The following ANKS1B variants were observed in gnomAD, a reference collection of about 807,000 sequenced individuals.
ANKS1B encodes the protein ankyrin repeat and sterile alpha motif domain containing 1B.
In ANKS1B, 36 loss-of-function variants were observed where a neutral mutation model predicts 148.3. The observed-to-expected ratio is 0.24, with a 90% CI of 0.19 to 0.32. The LOEUF (loss-of-function observed/expected upper bound fraction) is 0.32. Ranked by LOEUF, ANKS1B falls within the 10% of genes least tolerant of loss-of-function variation. ANKS1B has a pLI of 1.00. For synonymous variants in ANKS1B, 542 were observed against 560.8 expected (o/e 0.97, Z 0.47); for missense variants, 1,157 against 1,542.6 (o/e 0.75, Z 4.19).
intron 12 of ANKS1B, among the ~76,000 whole-genome samples, chr12:99,391,366 C>T (rs1374245009): frequency 1.3e-5 from 2 of 152,202 alleles, no homozygotes; most frequent in Non-Finnish European, 1.5e-5. Context: ...GCAGCTTCAA[C>T]TGCTGTCATT....
At chr12:98,902,829 T>G (rs1041705673) in intron 17 of ANKS1B, among the ~76,000 whole-genome samples, 1 of 152,200 alleles carries the variant, frequency 6.6e-6, no homozygotes, top group African/African-American at 2.4e-5. Context: ...TACAAATTCA[T>G]AAGCATTCAG....
chr12:99,247,755 C>T lies in ANKS1B; in HGVS notation c.1757-891G>A, dbSNP rs543141565. On this transcript the variant is annotated intron_variant, in intron 12 of 26. Coordinates refer to ENST00000683438, the MANE Select transcript of ANKS1B (RefSeq NM_001352186.2). ...AAGACATACTGTGTAAAAACCTGGCCAAAGAATTTAGCAAAGAAAGGAAGT... is the reference window on the plus strand; with the variant it reads ...AAGACATACTGTGTAAAAACCTGGCTAAAGAATTTAGCAAAGAAAGGAAGT... Among the ~76,000 whole-genome samples, 192 of 152,098 alleles carry T rather than the reference C, an allele frequency of 1.3e-3. 1 individual carries two copies. Among genetic ancestry groups the T allele is most frequent in the African/African-American group, 4.3e-3 (178 of 41,486 alleles).
intron 17 of ANKS1B, among the ~76,000 whole-genome samples, chr12:98,989,077 G>T (rs575333771): frequency 3.9e-5 from 6 of 152,202 alleles, no homozygotes; most frequent in African/African-American, 1.4e-4. Flanking sequence ...TCACTCTGTT[G>T]ATTTTTTCCT....
chr12:99,920,473 G>A (rs1344114851), intron 1 of ANKS1B, among the ~76,000 whole-genome samples: 1 of 151,390 alleles, frequency 6.6e-6, no homozygotes, highest in Non-Finnish European at 1.5e-5. Context: ...ATTAGTCAAG[G>A]TTCTCCAGAG....
chr12:99,962,520 C>T (rs1479615878), intron 1 of ANKS1B, among the ~76,000 whole-genome samples: 1 of 152,138 alleles, frequency 6.6e-6, no homozygotes, highest in East Asian at 1.9e-4. Context: ...CATACGTGTG[C>T]ATGTACCTTT....
rs2097860191 is a variant in ANKS1B, at chr12:98,745,449, G to A, written c.*290C>T. The A allele has an allele frequency of 1.9e-6, 2 of 1,060,184 alleles. No homozygotes were observed. Among genetic ancestry groups the A allele is most frequent in the South Asian group, 4.1e-5 (1 of 24,622 alleles). 65.7% of individuals were successfully genotyped at this position (1,060,184 alleles called of 1,614,324 possible). A position where few individuals can be genotyped will look rare whatever the true frequency, so the allele number is the denominator to read the frequency against. On this transcript the variant is annotated 3_prime_UTR_variant, in exon 27 of 27. Transcript: ENST00000683438. ...AATGAAGCAAAGCAAGTACTGGGGC[G>A]GAGTCATCAGAAATACCTTGGGAGG...
At chr12:99,838,722 T>A (rs1176158048) in intron 1 of ANKS1B, among the ~76,000 whole-genome samples, 1 of 152,144 alleles carries the variant, frequency 6.6e-6, no homozygotes, top group Non-Finnish European at 1.5e-5. Context: ...ATAACAATAT[T>A]CTCTAGTATT....
intron 11 of ANKS1B, among the ~76,000 whole-genome samples, chr12:99,402,094 C>T (rs2094420344): frequency 6.8e-6 from 1 of 146,204 alleles, no homozygotes; most frequent in African/African-American, 2.6e-5. Flanking sequence ...TGTTTCACAC[C>T]TCAATTTTGT....
At chr12:99,388,401 A>G (rs2093952866) in intron 12 of ANKS1B, among the ~76,000 whole-genome samples, 2 of 152,196 alleles carry the variant, frequency 1.3e-5, no homozygotes, top group Non-Finnish European at 1.5e-5. Flanking sequence ...ATGTGGGGCA[A>G]AGGTGACAGT....
intron 1 of ANKS1B, among the ~76,000 whole-genome samples, chr12:99,859,503 G>GT (rs2089704499): frequency 1.3e-5 from 2 of 152,082 alleles, no homozygotes; most frequent in Middle Eastern, 3.4e-3. Flanking sequence ...TTTGACTGGT[G>GT]TTTTCTAGTG....
intron 8 of ANKS1B, among the ~76,000 whole-genome samples, chr12:99,679,249 G>A (rs2098599823): frequency 6.6e-6 from 1 of 152,170 alleles, no homozygotes; most frequent in African/African-American, 2.4e-5. Flanking sequence ...GAGCTCACTT[G>A]TTAAATAATT....
chr12:99,020,772 A>G (rs2099945335), intron 17 of ANKS1B, among the ~76,000 whole-genome samples: 1 of 152,140 alleles, frequency 6.6e-6, no homozygotes. Context: ...ATGTAGAAAG[A>G]TTTGTTCTTG....
intron 17 of ANKS1B, among the ~76,000 whole-genome samples, chr12:98,944,208 G>T (rs770563885): frequency 5.4e-5 from 8 of 147,026 alleles, no homozygotes; most frequent in Non-Finnish European, 1.2e-4. Context: ...GCTGAGGCAG[G>T]AGAATCGCTT....
chr12:98,816,454 C>T (rs2099141343), intron 19 of ANKS1B, among the ~76,000 whole-genome samples: 1 of 152,160 alleles, frequency 6.6e-6, no homozygotes, highest in Non-Finnish European at 1.5e-5. Flanking sequence ...CACCACTACA[C>T]CTGGCTAATT....
intron 8 of ANKS1B, among the ~76,000 whole-genome samples, chr12:99,704,645 T>C (rs2055426838): frequency 6.6e-6 from 1 of 152,096 alleles, no homozygotes; most frequent in Non-Finnish European, 1.5e-5. Context: ...ATATTTCAGT[T>C]ATGCTCCCTT....
intron 17 of ANKS1B, among the ~76,000 whole-genome samples, chr12:99,039,639 G>A (rs2099957686): frequency 6.6e-6 from 1 of 152,190 alleles, no homozygotes. Context: ...GCCCACCCAA[G>A]CCTGCCTTCC....
At chr12:99,063,738 C>A (rs888993581) in intron 16 of ANKS1B, among the ~76,000 whole-genome samples, 13 of 152,284 alleles carry the variant, frequency 8.5e-5, no homozygotes, top group African/African-American at 3.1e-4. Context: ...GGAAGACACC[C>A]TTTAAGGAGT....
chr12:99,267,893 C>T (rs1207581475), intron 12 of ANKS1B, among the ~76,000 whole-genome samples: 1 of 152,098 alleles, frequency 6.6e-6, no homozygotes, highest in Non-Finnish European at 1.5e-5. Flanking sequence ...CACAAGAAAA[C>T]TGAGTTGTTT....
chr12:99,636,131 CTG>C (rs1434955665), intron 9 of ANKS1B, among the ~76,000 whole-genome samples: 4 of 151,882 alleles, frequency 2.6e-5, no homozygotes, highest in Non-Finnish European at 4.4e-5. Flanking sequence ...CAGACAAAGT[CTG>C]TTAAATATAT....
Sources: allele counts gnomAD v4.1 joint callset (sites outside exome capture counted in the v4.1 genomes callset), GRCh38; gene constraint gnomAD v4.1.1; transcripts MANE v1.5; gene names NCBI Gene and HGNC (gene_info 2026-07-23, HGNC 2026-07-21).